CCP110: variants seen among roughly 807,000 people sequenced by gnomAD.
The protein encoded by CCP110 is centriolar coiled-coil protein 110.
CCP110 carries 43 observed loss-of-function variants against 105.5 expected under a neutral mutation model. The observed-to-expected ratio is 0.41, with a 90% CI of 0.32 to 0.53. The LOEUF is 0.53. Among genes scored for constraint, CCP110 ranks in the 20% least tolerant of loss-of-function variants. CCP110 has a pLI of 0.32. For missense variants in CCP110, 1,016 were observed against 1,189.1 expected (o/e 0.85, Z 2.14); for synonymous variants, 353 against 392.1 (o/e 0.90, Z 1.18).
Position 19,543,006 on chromosome 16 carries a change from G to A in CCP110, c.2484+12G>A. 2.9e-6 allele frequency: 4 copies of A among 1,390,106 alleles called. No homozygotes were observed. The highest frequency in any genetic ancestry group is 2.0e-4 in the Middle Eastern group (1 of 4,992). The allele number at this position is 1,390,106 out of a possible 1,614,324, so 86.1% of individuals were successfully genotyped here. A position where few individuals can be genotyped will look rare whatever the true frequency, so the allele number is the denominator to read the frequency against. Reference sequence around the variant, plus strand: ...GACAAACTGTAAAAGTAAGATTCCTGTAAATCGTTTGTATTTCACTTCTGT... The same window carrying A: ...GACAAACTGTAAAAGTAAGATTCCTATAAATCGTTTGTATTTCACTTCTGT... On this transcript the variant is annotated intron_variant, in intron 8 of 14. Coordinates refer to ENST00000381396, the Ensembl canonical transcript of CCP110.
intron 14 of CCP110, among the ~76,000 whole-genome samples, chr16:19,549,078 C>G (rs1970552935): frequency 6.6e-6 from 1 of 152,128 alleles, no homozygotes; most frequent in Non-Finnish European, 1.5e-5. Flanking sequence ...AGCTAAATCT[C>G]TCCTTATGTT....
chr16:19,540,661 C>G, exon 5 of CCP110: 3 of 1,610,672 alleles, frequency 1.9e-6, no homozygotes, highest in Non-Finnish European at 2.5e-6. Flanking sequence ...TTTCAGAAAG[C>G]GAGGAGTTAC....
At chr16:19,534,872 CTTTTTTTTT>C (rs35522152) in intron 3 of CCP110, among the ~76,000 whole-genome samples, 2 of 100,536 alleles carry the variant, frequency 2.0e-5, no homozygotes, top group Non-Finnish European at 3.9e-5. Context: ...AATATTCAGA[CTTTTTTTTT>C]TTTTTTTTTT....
Position 19,548,351 on chromosome 16 carries a change from G to A in CCP110, c.2901-164G>A. Reference sequence around the variant, plus strand: ...TGACTCGTGCTTATAGTCTCCTGCTGAAGCCAGAGTTTAGCTTTCCTTACT... The same window carrying A: ...TGACTCGTGCTTATAGTCTCCTGCTAAAGCCAGAGTTTAGCTTTCCTTACT... On this transcript the variant is annotated intron_variant, in intron 13 of 14. Coordinates refer to ENST00000381396, the Ensembl canonical transcript of CCP110. This position sits in a 1 kb window ranked among gnomAD's most constrained non-coding sequence, Gnocchi z 4.1. The A allele has an allele frequency of 1.7e-6, 1 of 589,364 alleles. No homozygotes were observed. Among genetic ancestry groups the A allele is most frequent in the South Asian group, 2.3e-5 (1 of 43,376 alleles). 36.5% of individuals were successfully genotyped at this position (589,364 alleles called of 1,614,324 possible).
chr16:19,541,250 G>C (rs983488864), intron 5 of CCP110, among the ~76,000 whole-genome samples: 7 of 150,778 alleles, frequency 4.6e-5, no homozygotes, highest in Non-Finnish European at 8.9e-5. Flanking sequence ...GCAACAGAGG[G>C]AGACCCTGTC....
At chr16:19,531,487 T>C (rs1331470485) in intron 2 of CCP110, among the ~76,000 whole-genome samples, 2 of 152,236 alleles carry the variant, frequency 1.3e-5, no homozygotes, top group African/African-American at 2.4e-5. Flanking sequence ...TTTAGGTACA[T>C]TATATTTTTA....
At chr16:19,539,257 T>A (rs1214986271) in intron 4 of CCP110, among the ~76,000 whole-genome samples, 3 of 151,758 alleles carry the variant, frequency 2.0e-5, no homozygotes, top group Admixed American at 6.6e-5. Context: ...TTGATAATTC[T>A]TTATTACTGA....
exon 4 of CCP110, chr16:19,536,111 T>C: frequency 2.5e-6 from 4 of 1,614,086 alleles, no homozygotes; most frequent in Non-Finnish European, 1.7e-6. Context: ...GATTTTGCCA[T>C]TGGATAATGA....
intron 1 of CCP110, 40 bp from the exon 2 acceptor site, chr16:19,527,827 T>A: frequency 1.3e-6 from 2 of 1,539,834 alleles, no homozygotes; most frequent in Non-Finnish European, 1.8e-6. Flanking sequence ...AAGATCTGTT[T>A]TTCCCAGTAC....
At position 19,548,266 on chromosome 16, in the gene CCP110, A is replaced by C; in HGVS notation, c.2901-249A>C. The C allele has an allele frequency of 1.7e-6, 1 of 575,542 alleles. No homozygotes were observed. The allele number at this position is 575,542 out of a possible 1,614,324, so 35.7% of individuals were successfully genotyped here. A position where few individuals can be genotyped will look rare whatever the true frequency, so the allele number is the denominator to read the frequency against. ...TCATTTCATACCATTTTACTCATAA[A>C]GTATTTTAAATATCCATATAGTAAA... On this transcript the variant is annotated intron_variant, in intron 13 of 14. Transcript: ENST00000381396. The surrounding 1 kb of genome is among the most constrained non-coding windows in gnomAD (Gnocchi z 4.1).
chr16:19,548,088 T>C lies in CCP110; in HGVS notation c.2900+74T>C. 9.9e-7 allele frequency: 1 copy of C among 1,010,638 alleles called. No individual in the cohort carries two copies. Among genetic ancestry groups the C allele is most frequent in the Non-Finnish European group, 1.6e-6 (1 of 638,534 alleles). 62.6% of individuals were successfully genotyped at this position (1,010,638 alleles called of 1,614,324 possible). On this transcript the variant is annotated intron_variant, in intron 13 of 14. Transcript: ENST00000381396. This position sits in a 1 kb window ranked among gnomAD's most constrained non-coding sequence, Gnocchi z 4.1. ...ATTTGAGAGGGAAAAATAAATCTAG[T>C]GTTCTTTATGTAAAGGATAATGGTT... is the stretch of plus-strand genomic sequence containing the variant.
exon 15 of CCP110, chr16:19,552,538 AAAAAAAAAG>A (rs1028145089): frequency 2.0e-5 from 3 of 152,054 alleles, no homozygotes; most frequent in Non-Finnish European, 4.4e-5. Context: ...AAAAAAAAAA[AAAAAAAAAG>A]TATCAACCAA....
In CCP110 at chr16:19,548,345, C is replaced by A. The variant is rs1970528406; in HGVS notation, c.2901-170C>A. ...AGAGTATGACTCGTGCTTATAGTCT[C>A]CTGCTGAAGCCAGAGTTTAGCTTTC... On this transcript the variant is annotated intron_variant, in intron 13 of 14. Coordinates refer to ENST00000381396, the Ensembl canonical transcript of CCP110. The surrounding 1 kb of genome is among the most constrained non-coding windows in gnomAD (Gnocchi z 4.1). The A allele has an allele frequency of 1.7e-6, 1 of 586,428 alleles. No individual in the cohort carries two copies. Among genetic ancestry groups the A allele is most frequent in the Non-Finnish European group, 3.0e-6 (1 of 334,646 alleles). The allele number at this position is 586,428 out of a possible 1,614,324, so 36.3% of individuals were successfully genotyped here. A position where few individuals can be genotyped will look rare whatever the true frequency, so the allele number is the denominator to read the frequency against.
At chr16:19,534,735 T>A (rs1969987643) in intron 3 of CCP110, among the ~76,000 whole-genome samples, 1 of 152,118 alleles carries the variant, frequency 6.6e-6, no homozygotes, top group African/African-American at 2.4e-5. Flanking sequence ...ACTAAGTATG[T>A]CTTATTGTAC....
chr16:19,549,157 C>A (rs1170433922), intron 14 of CCP110, among the ~76,000 whole-genome samples: 1 of 152,176 alleles, frequency 6.6e-6, no homozygotes, highest in Non-Finnish European at 1.5e-5. Context: ...GGCAAGAAGA[C>A]AAACTCATTC....
chr16:19,532,276 CCCAGA>C (rs2151465242), intron 2 of CCP110, 135 bp from the exon 3 acceptor site: 1 of 635,586 alleles, frequency 1.6e-6, no homozygotes, highest in Admixed American at 3.4e-5. Context: ...CCACTCAGTA[CCCAGA>C]CCATTGTTCT....
exon 15 of CCP110, chr16:19,551,879 C>T (rs1230489104): frequency 6.6e-6 from 1 of 152,102 alleles, no homozygotes. Flanking sequence ...AAATGTTAGG[C>T]TTCATGTATG....
At chr16:19,546,499 T>G in intron 12 of CCP110, 25 bp downstream of exon 12, 1 of 1,395,798 alleles carries the variant, frequency 7.2e-7, no homozygotes, top group Non-Finnish European at 1.0e-6. Flanking sequence ...TTAGTCTTAA[T>G]GAGAGGCTTT....
exon 4 of CCP110, chr16:19,536,229 T>C (rs1970050907): frequency 6.2e-7 from 1 of 1,613,962 alleles, no homozygotes; most frequent in Admixed American, 1.7e-5. Flanking sequence ...AATGAAGCTT[T>C]TCCAAAGACC....
Sources: allele counts gnomAD v4.1 joint callset (sites outside exome capture counted in the v4.1 genomes callset), GRCh38; gene constraint gnomAD v4.1.1; non-coding constraint Gnocchi (gnomAD v3.1); transcripts MANE v1.5; gene names NCBI Gene and HGNC (gene_info 2026-07-23, HGNC 2026-07-21).